MRPL45: variants seen among roughly 807,000 people sequenced by gnomAD.
The protein encoded by MRPL45 is mitochondrial ribosomal protein L45.
In MRPL45, 20 loss-of-function variants were observed where a neutral mutation model predicts 38.1. That is an observed-to-expected ratio of 0.53 (90% CI 0.37 to 0.76). The LOEUF is 0.76. Among genes scored for constraint, MRPL45 ranks in the 30% least tolerant of loss-of-function variants. The pLI, the probability that MRPL45 is intolerant of heterozygous loss-of-function variation, is 0.00. For missense variants in MRPL45, 337 were observed against 395.6 expected, an observed-to-expected ratio of 0.85 and a Z score of 1.26; for synonymous variants, 105 against 128.8, an observed-to-expected ratio of 0.82 and a Z score of 1.25.
intron 3 of MRPL45, among the ~76,000 whole-genome samples, 175 bp from the exon 4 acceptor site, chr17:38,306,358 G>A (rs1597648257): frequency 6.7e-6 from 1 of 149,848 alleles, no homozygotes; most frequent in African/African-American, 2.5e-5. Flanking sequence ...GCAGTGAGCC[G>A]AGATCATGCC....
intron 4 of MRPL45, among the ~76,000 whole-genome samples, chr17:38,312,266 G>A (rs1166925692): frequency 3.3e-5 from 5 of 151,930 alleles, no homozygotes; most frequent in Non-Finnish European, 4.4e-5. Flanking sequence ...GGCTGGTCTC[G>A]AACTCCTGAC....
intron 6 of MRPL45, among the ~76,000 whole-genome samples, chr17:38,321,794 G>T (rs941516137): frequency 2.6e-5 from 4 of 152,158 alleles, no homozygotes; most frequent in African/African-American, 7.2e-5. Flanking sequence ...ACTTTGAGAG[G>T]CCGAAGCGGG....
rs7208353 is a variant in MRPL45 at position 38,297,854 on chromosome 17, T to C, written c.67-595T>C. On this transcript the variant is annotated intron_variant, in intron 1 of 7. Transcript: ENST00000613675. ...GGTTCACACTTGTAATCCCAGCACT[T>C]TGAAAGTCCGAGGCAGAAGGATGGC... Among the ~76,000 whole-genome samples, 415 of 152,260 alleles carry C rather than the reference T, an allele frequency of 2.7e-3. 2 individuals carry two copies. Among genetic ancestry groups the C allele is most frequent in the African/African-American group, 9.4e-3 (389 of 41,550 alleles).
chr17:38,315,842 G>T (rs1372530767), intron 4 of MRPL45, among the ~76,000 whole-genome samples: 1 of 150,644 alleles, frequency 6.6e-6, no homozygotes, highest in African/African-American at 2.4e-5. Context: ...GCCCGATCTC[G>T]GCTCATTGCA....
At chr17:38,312,900 A>G (rs1384308266) in intron 4 of MRPL45, among the ~76,000 whole-genome samples, 1 of 150,060 alleles carries the variant, frequency 6.7e-6, no homozygotes, top group Non-Finnish European at 1.5e-5. Flanking sequence ...TAGCAGCTAC[A>G]CTGTTTTACA....
In MRPL45 at chr17:38,300,990, T is replaced by G. The variant is rs1000624972; in HGVS notation, c.362+1522T>G. On this transcript the variant is annotated intron_variant, in intron 3 of 7. Transcript: ENST00000613675. ...AAAAGATTTTATCATATTACCTCCC[T>G]GCTTAGAACTCTTTTATGGCTTCCT... 7.7e-4 allele frequency among the ~76,000 whole-genome samples: 117 copies of G among 152,308 alleles called. 1 individual carries two copies. Among genetic ancestry groups the G allele is most frequent in the Non-Finnish European group, 3.8e-4 (26 of 68,024 alleles).
intron 5 of MRPL45, among the ~76,000 whole-genome samples, chr17:38,319,139 C>T (rs1395496722): frequency 1.3e-5 from 2 of 151,804 alleles, no homozygotes; most frequent in South Asian, 4.2e-4. Context: ...GGGTTCACGC[C>T]ATTCTCCTGC....
chr17:38,300,628 A>G (rs1050486298), intron 3 of MRPL45, among the ~76,000 whole-genome samples: 2 of 152,074 alleles, frequency 1.3e-5, no homozygotes, highest in Non-Finnish European at 2.9e-5. Flanking sequence ...AATTCTTCAC[A>G]TGGCCATGAC....
intron 5 of MRPL45, among the ~76,000 whole-genome samples, chr17:38,320,017 G>A (rs1567718880): frequency 6.6e-6 from 1 of 152,186 alleles, no homozygotes; most frequent in Non-Finnish European, 1.5e-5. Flanking sequence ...GCAAGAGAAT[G>A]GCGTGAACCT....
intron 3 of MRPL45, among the ~76,000 whole-genome samples, chr17:38,301,783 A>T (rs2036998528): frequency 6.6e-6 from 1 of 152,096 alleles, no homozygotes; most frequent in African/African-American, 2.4e-5. Flanking sequence ...ACAAATAATT[A>T]TAGGTGTAGT....
intron 4 of MRPL45, among the ~76,000 whole-genome samples, chr17:38,314,276 G>A (rs2037153584): frequency 6.6e-6 from 1 of 151,960 alleles, no homozygotes; most frequent in Admixed American, 6.6e-5. Context: ...GGCTAATTTT[G>A]TATTTTTAGT....
At chr17:38,320,860 T>A in intron 6 of MRPL45, 93 bp downstream of exon 6, 1 of 1,209,848 alleles carries the variant, frequency 8.3e-7, no homozygotes, top group Non-Finnish European at 1.2e-6. Flanking sequence ...CCCAGGACTG[T>A]AGACAGTAAT....
In MRPL45 at chr17:38,299,014, C is replaced by A. The variant is rs915451761; in HGVS notation, c.245-337C>A. Among the ~76,000 whole-genome samples the A allele has an allele frequency of 2.0e-5, 3 of 150,422 alleles. No homozygotes were observed. In the East Asian group the frequency reaches 5.9e-4, roughly 30 times the overall value. On this transcript the variant is annotated intron_variant, in intron 2 of 7. Transcript: ENST00000613675. ...AAGCGATTCTCCTACCTCAGCCTTC[C>A]AAGTAGCTGGGATTACAGGCACCTG...
intron 4 of MRPL45, among the ~76,000 whole-genome samples, chr17:38,312,348 G>T (rs1334587528): frequency 2.0e-5 from 3 of 152,064 alleles, no homozygotes; most frequent in Admixed American, 1.3e-4. Context: ...GCCCAGCCAC[G>T]TATGTCTCCT....
intron 4 of MRPL45, among the ~76,000 whole-genome samples, chr17:38,310,135 T>TC (rs1392763003): frequency 1.3e-5 from 2 of 148,644 alleles, no homozygotes; most frequent in Non-Finnish European, 3.0e-5. Context: ...ATTTTCTTTT[T>TC]TTTTTTTTTT....
intron 4 of MRPL45, among the ~76,000 whole-genome samples, chr17:38,316,274 G>A (rs571517081): frequency 2.0e-5 from 3 of 152,004 alleles, no homozygotes; most frequent in South Asian, 2.1e-4. Flanking sequence ...TACTTTGCCT[G>A]CTCAAACCTG....
At position 38,322,907 on chromosome 17, in the gene MRPL45, G is replaced by A; in HGVS notation, c.*312G>A. 3.5e-6 allele frequency: 1 copy of A among 289,716 alleles called. No homozygotes were observed. Among genetic ancestry groups the A allele is most frequent in the Non-Finnish European group, 6.5e-6 (1 of 153,168 alleles). The allele number at this position is 289,716 out of a possible 1,614,324, so 17.9% of individuals were successfully genotyped here. ...CAGCAGGGACTGTGAGAGACAACCA[G>A]CAGCATCCTCTTTGTAATCACAGGG... On this transcript the variant is annotated 3_prime_UTR_variant, in exon 8 of 8. Coordinates refer to ENST00000613675, the MANE Select transcript of MRPL45 (RefSeq NM_032351.6).
chr17:38,319,235 C>G (rs2144238539), intron 5 of MRPL45, among the ~76,000 whole-genome samples: 1 of 152,044 alleles, frequency 6.6e-6, no homozygotes, highest in East Asian at 1.9e-4. Flanking sequence ...CGGGGTTTCA[C>G]TGTGTTAGCC....
At chr17:38,317,069 T>A (rs1478277340) in intron 4 of MRPL45, among the ~76,000 whole-genome samples, 2 of 152,194 alleles carry the variant, frequency 1.3e-5, no homozygotes, top group Non-Finnish European at 2.9e-5. Flanking sequence ...GTGCTGGGAT[T>A]ACAGGCATGA....
Sources: gnomAD v4.1 joint callset for allele counts (sites outside exome capture counted in the v4.1 genomes callset) on GRCh38, gnomAD v4.1.1 for gene constraint, MANE v1.5 for transcripts, NCBI Gene and HGNC (gene_info 2026-07-23, HGNC 2026-07-21) for gene names.